The following INPP4B variants were observed in gnomAD, a reference collection of about 807,000 sequenced individuals.
The protein encoded by INPP4B is inositol polyphosphate-4-phosphatase type II B.
INPP4B carries 55 observed loss-of-function variants against 122.5 expected under a neutral mutation model. The observed-to-expected ratio is 0.45, with a 90% CI of 0.36 to 0.56. The LOEUF (loss-of-function observed/expected upper bound fraction) is 0.56, where lower values mean the gene tolerates loss of function less well. INPP4B is among the 20% of genes least tolerant of loss of function. INPP4B has a pLI of 0.00. For synonymous variants in INPP4B, 403 were observed against 388.7 expected (o/e 1.04, Z -0.43); for missense variants, 1,000 against 1,097.7 (o/e 0.91, Z 1.26).
chr4:142,100,653 C>A (rs1463478585), intron 23 of INPP4B, among the ~76,000 whole-genome samples: 1 of 152,128 alleles, frequency 6.6e-6, no homozygotes, highest in East Asian at 1.9e-4. Flanking sequence ...TCCTTCTCTT[C>A]CTGATCTTGT....
intron 2 of INPP4B, among the ~76,000 whole-genome samples, chr4:142,502,348 T>C (rs1258318531): frequency 1.3e-5 from 2 of 152,142 alleles, no homozygotes; most frequent in Non-Finnish European, 2.9e-5. Context: ...CCAGAAAATC[T>C]TTGAATGTAC....
intron 21 of INPP4B, among the ~76,000 whole-genome samples, chr4:142,120,569 C>T (rs914024230): frequency 1.7e-4 from 26 of 152,152 alleles, no homozygotes; most frequent in South Asian, 2.1e-4. Flanking sequence ...CTATTCTTTT[C>T]GATGTGATTA....
At chr4:142,253,885 C>A (rs1436817028) in intron 11 of INPP4B, among the ~76,000 whole-genome samples, 1 of 152,166 alleles carries the variant, frequency 6.6e-6, no homozygotes, top group South Asian at 2.1e-4. Flanking sequence ...CCTCTGTAGG[C>A]TCCACCTCTG....
chr4:142,323,645 C>T (rs896051571), intron 7 of INPP4B, among the ~76,000 whole-genome samples: 1 of 151,864 alleles, frequency 6.6e-6, no homozygotes, highest in Non-Finnish European at 1.5e-5. Flanking sequence ...CGGGGTTTCA[C>T]CATGTTAGCC....
chr4:142,477,710 T>C (rs894958807), intron 2 of INPP4B, among the ~76,000 whole-genome samples: 42 of 152,200 alleles, frequency 2.8e-4, no homozygotes, highest in African/African-American at 9.4e-4. Flanking sequence ...AACATACAGC[T>C]TCCAAGATTG....
At chr4:142,234,277 G>T (rs114747426) in intron 12 of INPP4B, among the ~76,000 whole-genome samples, 4 of 152,212 alleles carry the variant, frequency 2.6e-5, no homozygotes, top group African/African-American at 2.4e-5. Flanking sequence ...AGAGCGTATT[G>T]TGTTTGTCTT....
chr4:142,630,207 C>T (rs910246286), intron 2 of INPP4B, among the ~76,000 whole-genome samples: 6 of 152,028 alleles, frequency 3.9e-5, no homozygotes, highest in Non-Finnish European at 8.8e-5. Context: ...ATATATTCCT[C>T]AGTGTTTTGT....
chr4:142,779,957 C>G (rs1774552548), intron 1 of INPP4B, among the ~76,000 whole-genome samples: 1 of 152,042 alleles, frequency 6.6e-6, no homozygotes, highest in South Asian at 2.1e-4. Context: ...GACTAAACTT[C>G]AAGGCAGTTG....
chr4:142,488,857 A>G (rs1016045862), intron 2 of INPP4B, among the ~76,000 whole-genome samples: 2 of 151,442 alleles, frequency 1.3e-5, no homozygotes, highest in Non-Finnish European at 2.9e-5. Flanking sequence ...CACTTTTTCT[A>G]TTTGATTACA....
chr4:142,240,872 T>C (rs775517837), intron 11 of INPP4B, among the ~76,000 whole-genome samples: 1 of 152,156 alleles, frequency 6.6e-6, no homozygotes, highest in Non-Finnish European at 1.5e-5. Flanking sequence ...AATAAAATGT[T>C]CTCAACTCAA....
At chr4:142,186,092 T>C (rs1325879853) in intron 15 of INPP4B, among the ~76,000 whole-genome samples, 12 of 152,088 alleles carry the variant, frequency 7.9e-5, no homozygotes. Context: ...ATCCAATCAA[T>C]AAAATCCTAC....
chr4:142,036,223 ATC>A (rs992966341), intron 25 of INPP4B, among the ~76,000 whole-genome samples: 2 of 151,946 alleles, frequency 1.3e-5, no homozygotes, highest in African/African-American at 4.8e-5. Flanking sequence ...CTACCTCCTA[ATC>A]TGTCTAGTTT....
chr4:142,074,825 AGT>A (rs1400808332), intron 25 of INPP4B, among the ~76,000 whole-genome samples: 1 of 151,652 alleles, frequency 6.6e-6, no homozygotes, highest in Non-Finnish European at 1.5e-5. Flanking sequence ...TCACTTGACA[AGT>A]GTGATGAATG....
intron 9 of INPP4B, among the ~76,000 whole-genome samples, chr4:142,291,106 A>G (rs1756286749): frequency 6.6e-6 from 1 of 152,162 alleles, no homozygotes; most frequent in Non-Finnish European, 1.5e-5. Flanking sequence ...TTTAAATCTG[A>G]TCCTAGAAGG....
At chr4:142,559,289 G>C (rs935374509) in intron 2 of INPP4B, among the ~76,000 whole-genome samples, 1 of 152,166 alleles carries the variant, frequency 6.6e-6, no homozygotes, top group Non-Finnish European at 1.5e-5. Context: ...TCAGAGAGTG[G>C]TGGTGCTGTT....
intron 7 of INPP4B, among the ~76,000 whole-genome samples, chr4:142,398,402 ATATATATAT>A (rs1483162632): frequency 0.022 from 142 of 6,368 alleles, 1 homozygote; most frequent in African/African-American, 0.024. Flanking sequence ...AAAAAAAAAA[ATATATATAT>A]ATATATATAT....
At chr4:142,803,854 C>T (rs1309598464) in intron 1 of INPP4B, among the ~76,000 whole-genome samples, 2 of 151,770 alleles carry the variant, frequency 1.3e-5, no homozygotes, top group Non-Finnish European at 2.9e-5. Flanking sequence ...GTCAGGACTT[C>T]GAAACCAGCC....
At position 142,285,382 on chromosome 4, in the gene INPP4B, T is replaced by C. The variant is rs137856591; in HGVS notation, c.504-14608A>G. 4.1e-4 allele frequency among the ~76,000 whole-genome samples: 28 copies of C among 68,528 alleles called. No individual in the cohort carries two copies. In the African/African-American group the frequency reaches 6.2e-3, roughly 15 times the overall value. The allele number at this position is 68,528 out of a possible 152,430, so 45.0% of individuals were successfully genotyped here. The stretch of plus-strand genomic sequence containing the variant: ...GTGACATCTCTAGATGATGTAAGAA[T>C]TGAGGTTCATGGCCTCAGACATGGT... On this transcript the variant is annotated intron_variant, in intron 9 of 25. Coordinates refer to ENST00000262992, the MANE Select transcript of INPP4B (RefSeq NM_001101669.3).
At chr4:142,755,528 G>GA (rs757564658) in intron 1 of INPP4B, among the ~76,000 whole-genome samples, 2 of 151,410 alleles carry the variant, frequency 1.3e-5, no homozygotes. Flanking sequence ...ACAGACTAAA[G>GA]AAAAAAAATA....
Sources: gnomAD v4.1 joint callset for allele counts (sites outside exome capture counted in the v4.1 genomes callset) on GRCh38, gnomAD v4.1.1 for gene constraint, MANE v1.5 for transcripts, NCBI Gene and HGNC (gene_info 2026-07-23, HGNC 2026-07-21) for gene names.